NALF1: variants seen among roughly 807,000 people sequenced by gnomAD.
NALF1 encodes family with sequence similarity 155 member A.
A neutral mutation model predicts 48.4 loss-of-function variants in NALF1; 3 were observed. The observed-to-expected ratio is 0.06, with a 90% CI of 0.03 to 0.16. The LOEUF (loss-of-function observed/expected upper bound fraction) is 0.16, where lower values mean the gene tolerates loss of function less well. Among genes scored for constraint, NALF1 ranks in the 10% least tolerant of loss-of-function variants. The pLI is 1.00. For missense variants in NALF1, 526 were observed against 571.5 expected, an observed-to-expected ratio of 0.92 and a Z score of 0.81; for synonymous variants, 262 against 245.7, an observed-to-expected ratio of 1.07 and a Z score of -0.62.
At chr13:107,808,671 A>T (rs201962477) in intron 1 of NALF1, among the ~76,000 whole-genome samples, 68,043 of 135,710 alleles carry the variant, frequency 0.5, 15,646 homozygotes, top group Middle Eastern at 0.59. Context: ...TACAGATTTA[A>T]AAAAAAAAAA....
chr13:107,174,860 C>T (rs1391802801), intron 2 of NALF1, among the ~76,000 whole-genome samples: 2 of 151,530 alleles, frequency 1.3e-5, no homozygotes. Context: ...CCTACTGTTG[C>T]TCAGATCAAC....
chr13:107,386,691 G>A (rs1209492646), intron 1 of NALF1, among the ~76,000 whole-genome samples: 1 of 152,118 alleles, frequency 6.6e-6, no homozygotes, highest in Non-Finnish European at 1.5e-5. Context: ...CAGTTATTAT[G>A]ACACTGTCAC....
intron 2 of NALF1, among the ~76,000 whole-genome samples, chr13:107,171,035 A>C (rs1221385312): frequency 6.6e-6 from 1 of 152,216 alleles, no homozygotes; most frequent in Admixed American, 6.5e-5. Context: ...GTTGTTGGGA[A>C]TACAGAATAG....
At chr13:107,864,215 A>G (rs185273592) in intron 1 of NALF1, among the ~76,000 whole-genome samples, 2 of 152,210 alleles carry the variant, frequency 1.3e-5, no homozygotes, top group Non-Finnish European at 2.9e-5. Context: ...TTTAAGATAC[A>G]CTTGTCTAGT....
intron 1 of NALF1, among the ~76,000 whole-genome samples, chr13:107,532,643 T>C (rs904497001): frequency 6.6e-6 from 1 of 152,134 alleles, no homozygotes; most frequent in African/African-American, 2.4e-5. Flanking sequence ...TCTTTTGACT[T>C]GAGGTATTTC....
intron 1 of NALF1, among the ~76,000 whole-genome samples, chr13:107,369,636 A>G (rs933306787): frequency 6.6e-6 from 1 of 152,156 alleles, no homozygotes; most frequent in Non-Finnish European, 1.5e-5. Context: ...TGGCATAAAT[A>G]TGGGTCTCTG....
In NALF1 at chr13:107,163,601, A is replaced by G. The variant is rs1878601577; in HGVS notation, c.*6896T>C. The G allele has an allele frequency of 6.6e-6, 1 of 152,188 alleles. No individual in the cohort carries two copies. Among genetic ancestry groups the G allele is most frequent in the South Asian group, 2.1e-4 (1 of 4,830 alleles). The allele number at this position is 152,188 out of a possible 1,614,324, so 9.4% of individuals were successfully genotyped here. A position where few individuals can be genotyped will look rare whatever the true frequency, so the allele number is the denominator to read the frequency against. ...ATCCAAGGCATTTCTTTAGCTACTA[A>G]TATACTCCGGAATGTTCCTTTCCAC... On this transcript the variant is annotated 3_prime_UTR_variant, in exon 3 of 3. Coordinates refer to ENST00000375915, the MANE Select transcript of NALF1 (RefSeq NM_001080396.3).
At chr13:107,638,019 T>C (rs1359143587) in intron 1 of NALF1, among the ~76,000 whole-genome samples, 3 of 151,756 alleles carry the variant, frequency 2.0e-5, no homozygotes, top group Admixed American at 1.3e-4. Context: ...CTCTGTACCA[T>C]ACAGTGCCTT....
intron 1 of NALF1, among the ~76,000 whole-genome samples, chr13:107,443,167 ACAATCTATCTATCTATCTAT>A (rs1410070298): frequency 1.4e-5 from 2 of 138,274 alleles, no homozygotes; most frequent in Non-Finnish European, 3.2e-5. Context: ...TATTTATCTA[ACAATCTATCTATCTATCTAT>A]CTATCTATCT....
chr13:107,814,103 A>G (rs1879089893), intron 1 of NALF1, among the ~76,000 whole-genome samples: 1 of 152,156 alleles, frequency 6.6e-6, no homozygotes, highest in Admixed American at 6.5e-5. Flanking sequence ...ACTGATTCCT[A>G]TTTCAGGGGA....
intron 1 of NALF1, among the ~76,000 whole-genome samples, chr13:107,472,971 C>A (rs1265395445): frequency 6.6e-6 from 1 of 152,174 alleles, no homozygotes; most frequent in East Asian, 1.9e-4. Context: ...TTTTCCTTTT[C>A]AACCTGGAAT....
At chr13:107,221,207 T>TA (rs1566455552) in intron 1 of NALF1, among the ~76,000 whole-genome samples, 1 of 152,058 alleles carries the variant, frequency 6.6e-6, no homozygotes, top group Non-Finnish European at 1.5e-5. Flanking sequence ...ACCGGTGCAC[T>TA]AAAATCACAG....
intron 1 of NALF1, among the ~76,000 whole-genome samples, chr13:107,463,041 G>C (rs1439154241): frequency 6.6e-6 from 1 of 152,188 alleles, no homozygotes; most frequent in Non-Finnish European, 1.5e-5. Flanking sequence ...TAAAAGCAGA[G>C]ATAGTTCCGA....
At chr13:107,535,827 T>C (rs1876788017) in intron 1 of NALF1, among the ~76,000 whole-genome samples, 1 of 152,102 alleles carries the variant, frequency 6.6e-6, no homozygotes, top group Non-Finnish European at 1.5e-5. Flanking sequence ...CTTCAAACTA[T>C]ACTACAAGGC....
intron 2 of NALF1, among the ~76,000 whole-genome samples, chr13:107,199,235 G>C (rs898845451): frequency 1.3e-5 from 2 of 152,176 alleles, no homozygotes; most frequent in Non-Finnish European, 2.9e-5. Context: ...TGGCATGGAG[G>C]CAAGACCATG....
intron 1 of NALF1, among the ~76,000 whole-genome samples, chr13:107,282,951 G>A: frequency 6.6e-6 from 1 of 152,140 alleles, no homozygotes; most frequent in Admixed American, 6.6e-5. Context: ...TCCATTAAAG[G>A]GAAATAATTA....
intron 1 of NALF1, among the ~76,000 whole-genome samples, chr13:107,319,166 G>T (rs547766782): frequency 3.9e-5 from 6 of 152,172 alleles, no homozygotes; most frequent in Non-Finnish European, 8.8e-5. Flanking sequence ...GGGCCAACTG[G>T]TCCTCCGGCC....
chr13:107,266,657 G>A (rs575269442), intron 1 of NALF1, among the ~76,000 whole-genome samples: 23 of 152,236 alleles, frequency 1.5e-4, no homozygotes, highest in African/African-American at 5.1e-4. Context: ...CAGAAGTACA[G>A]TGTTATGGGA....
chr13:107,531,152 G>T, intron 1 of NALF1: 1 of 167,432 alleles, frequency 6.0e-6, no homozygotes. Context: ...CTTGACCACT[G>T]ATGGAGTCCG....
Sources: allele counts gnomAD v4.1 joint callset (sites outside exome capture counted in the v4.1 genomes callset), GRCh38; gene constraint gnomAD v4.1.1; transcripts MANE v1.5; gene names NCBI Gene and HGNC (gene_info 2026-07-23, HGNC 2026-07-21).